The following RALGAPA1 variants were observed in gnomAD, a reference collection of about 807,000 sequenced individuals.
The protein encoded by RALGAPA1 is ral GTPase-activating protein subunit alpha-1.
RALGAPA1 carries 52 observed loss-of-function variants against 269.6 expected under a neutral mutation model. The ratio of observed to expected loss-of-function variants is 0.19; its 90% CI spans 0.15 to 0.24. RALGAPA1 has a LOEUF of 0.24. Among genes scored for constraint, RALGAPA1 ranks in the 10% least tolerant of loss-of-function variants. RALGAPA1 has a pLI of 1.00. For synonymous variants in RALGAPA1, 817 were observed against 1,008.3 expected (o/e 0.81, Z 3.60); for missense variants, 1,917 against 3,013.9 (o/e 0.64, Z 8.52).
At chr14:35,716,498 A>G (rs1048473462) in intron 16 of RALGAPA1, among the ~76,000 whole-genome samples, 2 of 151,958 alleles carry the variant, frequency 1.3e-5, no homozygotes, top group African/African-American at 2.4e-5. Context: ...CCTTCTATAT[A>G]CCATTATCAC....
intron 13 of RALGAPA1, among the ~76,000 whole-genome samples, chr14:35,726,053 AT>A (rs2069878754): frequency 2.6e-5 from 4 of 152,180 alleles, no homozygotes; most frequent in African/African-American, 7.2e-5. Context: ...AGTTGGGTGT[AT>A]CAGCCCAATT....
rs765653823 is a variant in RALGAPA1, at chr14:35,688,434, C to A, written c.3952+25G>T. ...AACTGGTGCTGTCTTTCTCCTTTTG[C>A]GCTCTGCACACTGTTAGTGCTCACC... is the stretch of plus-strand genomic sequence containing the variant. On this transcript the variant is annotated intron_variant, in intron 18 of 41. Transcript: ENST00000680220. 1.4e-5 allele frequency: 22 copies of A among 1,535,884 alleles called. No individual in the cohort carries two copies. The East Asian group carries it at 3.4e-4, about 24-fold the overall frequency.
At chr14:35,677,653 T>C (rs2065062406) in intron 22 of RALGAPA1, 2 of 289,484 alleles carry the variant, frequency 6.9e-6, no homozygotes, top group Admixed American at 5.8e-5. Flanking sequence ...TGCCAAATTA[T>C]GTATTTCCTG....
intron 27 of RALGAPA1, among the ~76,000 whole-genome samples, chr14:35,661,371 A>T (rs75074628): frequency 1.3e-5 from 2 of 152,312 alleles, no homozygotes; most frequent in East Asian, 3.9e-4. Context: ...AATGAATAAA[A>T]TATTCAAAGG....
intron 37 of RALGAPA1, among the ~76,000 whole-genome samples, chr14:35,582,787 T>C (rs2058039478): frequency 6.6e-6 from 1 of 152,102 alleles, no homozygotes; most frequent in African/African-American, 2.4e-5. Flanking sequence ...CTGCCCTCAG[T>C]AGAAACTATT....
At chr14:35,803,223 C>G (rs949846926) in intron 1 of RALGAPA1, among the ~76,000 whole-genome samples, 1 of 152,068 alleles carries the variant, frequency 6.6e-6, no homozygotes, top group East Asian at 1.9e-4. Context: ...TAAATTTTGG[C>G]AAAAGTACAA....
Position 35,583,511 on chromosome 14 carries a change from G to C in RALGAPA1, c.7210-10793C>G, listed in dbSNP as rs569819782. Among the ~76,000 whole-genome samples, 4 of 152,226 alleles carry C rather than the reference G, an allele frequency of 2.6e-5. No individual in the cohort carries two copies. In the South Asian group the frequency reaches 8.3e-4, roughly 32 times the overall value. On this transcript the variant is annotated intron_variant, in intron 37 of 41. Coordinates refer to ENST00000680220, the MANE Select transcript of RALGAPA1 (RefSeq NM_001346249.2). Reference sequence around the variant, plus strand: ...ACATGTAATGGGAACTCCAAAAGAAGAAGAAAGAGAAAAAGGAACAGAAGC... The same window carrying C: ...ACATGTAATGGGAACTCCAAAAGAACAAGAAAGAGAAAAAGGAACAGAAGC...
chr14:35,656,613 T>C (rs1342407739), intron 28 of RALGAPA1, among the ~76,000 whole-genome samples: 1 of 152,210 alleles, frequency 6.6e-6, no homozygotes, highest in African/African-American at 2.4e-5. Flanking sequence ...GTCACCTTCT[T>C]CTAGTATCCT....
chr14:35,605,988 T>A (rs936333396), intron 35 of RALGAPA1, among the ~76,000 whole-genome samples: 1 of 152,144 alleles, frequency 6.6e-6, no homozygotes, highest in African/African-American at 2.4e-5. Context: ...ATTTGACAAA[T>A]GAAGAGAAAG....
At chr14:35,557,094 A>ATGTGTG (rs1489416999) in intron 39 of RALGAPA1, among the ~76,000 whole-genome samples, 7 of 78,982 alleles carry the variant, frequency 8.9e-5, no homozygotes, top group Non-Finnish European at 1.3e-4. Context: ...ATTATCCAAT[A>ATGTGTG]TGTATGTGTG....
Position 35,716,397 on chromosome 14 carries a change from C to CAAAA in RALGAPA1, c.2266+5287_2266+5290dup, listed in dbSNP as rs78953823. ...TGGGTGACAGAGTGAGACTCCGTCT[C>CAAAA]AAAAAAAAAAAAAAAAAAAAAAAGA... On this transcript the variant is annotated intron_variant, in intron 16 of 41. Coordinates refer to ENST00000680220, the MANE Select transcript of RALGAPA1 (RefSeq NM_001346249.2). Among the ~76,000 whole-genome samples, 7 of 44,586 alleles carry CAAAA rather than the reference C, an allele frequency of 1.6e-4. 1 individual carries two copies. Among genetic ancestry groups the CAAAA allele is most frequent in the South Asian group, 1.9e-3 (2 of 1,068 alleles). The allele number at this position is 44,586 out of a possible 152,430, so 29.3% of individuals were successfully genotyped here.
intron 17 of RALGAPA1, among the ~76,000 whole-genome samples, chr14:35,699,176 C>T (rs923879864): frequency 6.6e-6 from 1 of 152,104 alleles, no homozygotes; most frequent in African/African-American, 2.4e-5. Context: ...TATTATGGTT[C>T]CAAAGTTAAC....
At chr14:35,762,887 T>C in intron 4 of RALGAPA1, 134 bp from the exon 5 acceptor site, 1 of 613,844 alleles carries the variant, frequency 1.6e-6, no homozygotes, top group South Asian at 2.0e-5. Flanking sequence ...CTTTATATCC[T>C]TCTGCCATAC....
intron 37 of RALGAPA1, among the ~76,000 whole-genome samples, chr14:35,580,297 C>G (rs1005803399): frequency 4.6e-5 from 7 of 152,118 alleles, no homozygotes; most frequent in Admixed American, 2.0e-4. Flanking sequence ...GTGGCTAGAA[C>G]AAGGAGACAG....
chr14:35,760,895 G>T lies in RALGAPA1; in HGVS notation c.481C>A (p.Pro161Thr), dbSNP rs757557333. 1.1e-4 allele frequency: 173 copies of T among 1,611,382 alleles called. No homozygotes were observed. The highest frequency in any genetic ancestry group is 1.0e-4 in the Non-Finnish European group (119 of 1,178,026). The change falls in exon 6 of 42, where the codon CCA becomes ACA. Residue 161 changes from proline (P) to threonine (T), a missense_variant. Transcript: ENST00000680220. ...GTTCGAGGTCCATGTTCAGACTGTGGTGCTGAAAATCCAGGGATTAAGCAT... is the reference window on the plus strand; with the variant it reads ...GTTCGAGGTCCATGTTCAGACTGTGTTGCTGAAAATCCAGGGATTAAGCAT... ...FSCLIPGFSA[P>T]QSEHGPRTLD...
At position 35,775,628 on chromosome 14, in the gene RALGAPA1, A is replaced by T; in HGVS notation, c.217+7T>A. On this transcript the variant is annotated splice_region_variant and intron_variant, in intron 2 of 41. Transcript: ENST00000680220. ...AACATACGCCAAGATATATGTTAGC[A>T]TCTTACCTTTCTGTTTAAGACTAGC... is the stretch of plus-strand genomic sequence containing the variant. 6.4e-7 allele frequency: 1 copy of T among 1,566,358 alleles called. No homozygotes were observed. The highest frequency in any genetic ancestry group is 8.6e-7 in the Non-Finnish European group (1 of 1,165,608).
At chr14:35,548,984 T>C in intron 40 of RALGAPA1, 126 bp downstream of exon 40, 1 of 1,112,632 alleles carries the variant, frequency 9.0e-7, no homozygotes, top group Non-Finnish European at 1.3e-6. Flanking sequence ...CAAATTCAAA[T>C]ATTAAATAGT....
intron 37 of RALGAPA1, among the ~76,000 whole-genome samples, chr14:35,585,883 C>A (rs898855570): frequency 6.6e-6 from 1 of 152,134 alleles, no homozygotes; most frequent in Non-Finnish European, 1.5e-5. Flanking sequence ...AGTCAGGTAG[C>A]GTGATGCCTC....
chr14:35,587,271 T>C (rs760915499), intron 37 of RALGAPA1, among the ~76,000 whole-genome samples: 5 of 152,204 alleles, frequency 3.3e-5, no homozygotes, highest in East Asian at 1.9e-4. Flanking sequence ...TAGTCTCTGA[T>C]GGTAGTAAAC....
Sources: gnomAD v4.1 joint callset for allele counts (sites outside exome capture counted in the v4.1 genomes callset) on GRCh38, gnomAD v4.1.1 for gene constraint, MANE v1.5 for transcripts, NCBI Gene and HGNC (gene_info 2026-07-23, HGNC 2026-07-21) for gene names.